The following IL1RAP variants were observed in gnomAD, a reference collection of about 807,000 sequenced individuals.
IL1RAP encodes interleukin 1 receptor accessory protein, also known as interleukin-1 receptor accessory protein.
A neutral mutation model predicts 60.7 loss-of-function variants in IL1RAP; 35 were observed. The observed-to-expected ratio is 0.58, with a 90% CI of 0.44 to 0.76. The LOEUF (loss-of-function observed/expected upper bound fraction) is 0.76, where lower values mean the gene tolerates loss of function less well. IL1RAP is among the 30% of genes least tolerant of loss of function. IL1RAP has a pLI of 0.00. For missense variants in IL1RAP, 572 were observed against 693.9 expected (o/e 0.82, Z 1.97); for synonymous variants, 268 against 250.9 (o/e 1.07, Z -0.64).
intron 3 of IL1RAP, among the ~76,000 whole-genome samples, chr3:190,576,636 C>G (rs1446057441): frequency 6.6e-6 from 1 of 152,150 alleles, no homozygotes; most frequent in Non-Finnish European, 1.5e-5. Context: ...GTATGCTGGT[C>G]TCTCACACAC....
intron 3 of IL1RAP, among the ~76,000 whole-genome samples, chr3:190,584,606 A>G (rs1043617248): frequency 2.6e-5 from 4 of 152,240 alleles, no homozygotes; most frequent in African/African-American, 9.6e-5. Flanking sequence ...TTACATTTAT[A>G]TAATGACTAA....
chr3:190,561,415 G>A (rs1725879670), intron 2 of IL1RAP, among the ~76,000 whole-genome samples: 1 of 152,156 alleles, frequency 6.6e-6, no homozygotes, highest in South Asian at 2.1e-4. Context: ...GACTGGCCCT[G>A]GATGTGTGTT....
intron 3 of IL1RAP, among the ~76,000 whole-genome samples, chr3:190,597,756 C>A (rs1459427576): frequency 3.9e-5 from 6 of 152,158 alleles, no homozygotes; most frequent in Non-Finnish European, 1.5e-5. Context: ...ATAATTCCTC[C>A]TAAATTGGTC....
intron 3 of IL1RAP, among the ~76,000 whole-genome samples, chr3:190,580,131 A>C (rs1306793220): frequency 6.6e-6 from 1 of 152,204 alleles, no homozygotes; most frequent in African/African-American, 2.4e-5. Flanking sequence ...TCTATGCTTA[A>C]CATTTTGAAG....
At chr3:190,585,929 C>G (rs533761586) in intron 3 of IL1RAP, among the ~76,000 whole-genome samples, 4 of 152,074 alleles carry the variant, frequency 2.6e-5, no homozygotes, top group Non-Finnish European at 5.9e-5. Context: ...TCTCATTGAC[C>G]CTTTACCATT....
At chr3:190,524,923 T>G (rs1013095181) in intron 1 of IL1RAP, among the ~76,000 whole-genome samples, 1 of 152,106 alleles carries the variant, frequency 6.6e-6, no homozygotes. Flanking sequence ...TATATAAGTG[T>G]ATGTGTGTAT....
At chr3:190,615,009 A>G (rs769533885) in intron 5 of IL1RAP, among the ~76,000 whole-genome samples, 1 of 152,096 alleles carries the variant, frequency 6.6e-6, no homozygotes, top group African/African-American at 2.4e-5. Context: ...GAATTGCTGA[A>G]GAAATGGGAT....
intron 7 of IL1RAP, among the ~76,000 whole-genome samples, chr3:190,625,578 A>G (rs1328119397): frequency 1.3e-5 from 2 of 152,240 alleles, no homozygotes; most frequent in African/African-American, 4.8e-5. Flanking sequence ...GAATAAATTT[A>G]TAGCAACAAA....
intron 1 of IL1RAP, among the ~76,000 whole-genome samples, chr3:190,519,975 C>A (rs897250546): frequency 6.6e-6 from 1 of 152,092 alleles, no homozygotes; most frequent in Non-Finnish European, 1.5e-5. Context: ...ATAGTTGGCA[C>A]CTAGAAGGGA....
intron 3 of IL1RAP, among the ~76,000 whole-genome samples, chr3:190,581,230 G>A (rs1727970367): frequency 6.6e-6 from 1 of 152,140 alleles, no homozygotes; most frequent in African/African-American, 2.4e-5. Context: ...GTCAAATCCT[G>A]GTTTCCGTAT....
intron 4 of IL1RAP, among the ~76,000 whole-genome samples, chr3:190,604,978 C>G (rs1412834052): frequency 6.6e-6 from 1 of 152,158 alleles, no homozygotes; most frequent in African/African-American, 2.4e-5. Context: ...ACATCTAGCC[C>G]CCAAATCAGA....
intron 3 of IL1RAP, among the ~76,000 whole-genome samples, chr3:190,586,015 C>T (rs1577663352): frequency 6.6e-6 from 1 of 151,972 alleles, no homozygotes; most frequent in African/African-American, 2.4e-5. Context: ...TCATGGCTCA[C>T]ATCAGCCTGG....
chr3:190,609,021 C>T lies in IL1RAP; in HGVS notation c.377C>T (p.Ala126Val). The T allele has an allele frequency of 6.2e-7, 1 of 1,613,098 alleles. No homozygotes were observed. The highest frequency in any genetic ancestry group is 2.2e-5 in the East Asian group (1 of 44,790). ...AACACTACATATTGCAGCAAAGTTGCATTTCCCTTGGAAGTTGTTCAAAAA... is the reference window on the plus strand; with the variant it reads ...AACACTACATATTGCAGCAAAGTTGTATTTCCCTTGGAAGTTGTTCAAAAA... ...LRNTTYCSKV[A>V]FPLEVVQKDS... The change falls in exon 5 of 12, where the codon GCA (alanine) becomes GTA (valine). Residue 126 changes from alanine (A) to valine (V), a missense_variant. By Grantham distance (64) the Ala-to-Val change is moderately conservative. Transcript: ENST00000447382.
At position 190,613,396 on chromosome 3, in the gene IL1RAP, G is replaced by A. The variant is rs150146291; in HGVS notation, c.537+4215G>A. The stretch of plus-strand genomic sequence containing the variant: ...GTAGTGGTTACGTGATTATGAGTCT[G>A]GAGCTTAGGAGAAAAATCAGAGCTA... On this transcript the variant is annotated intron_variant, in intron 5 of 11. Coordinates refer to ENST00000447382, the MANE Select transcript of IL1RAP (RefSeq NM_002182.4). Among the ~76,000 whole-genome samples the A allele has an allele frequency of 6.5e-4, 99 of 152,228 alleles. No individual in the cohort carries two copies. In the Middle Eastern group the frequency reaches 0.01, roughly 16 times the overall value.
chr3:190,651,782 T>C (rs1734412049), downstream of IL1RAP, among the ~76,000 whole-genome samples: 1 of 124,566 alleles, frequency 8.0e-6, no homozygotes, highest in South Asian at 2.6e-4. Flanking sequence ...TATGTGTGTA[T>C]GTGTATGTGT....
intron 1 of IL1RAP, 165 bp from the exon 2 acceptor site, chr3:190,555,965 T>TATCTATCTATCTATCC (rs1725390698): frequency 2.0e-5 from 3 of 151,224 alleles, no homozygotes; most frequent in Non-Finnish European, 4.4e-5. Flanking sequence ...TCTATCTATC[T>TATCTATCTATCTATCC]ATCTATCTAT....
chr3:190,553,066 T>C, intron 1 of IL1RAP, among the ~76,000 whole-genome samples: 1 of 152,150 alleles, frequency 6.6e-6, no homozygotes. Flanking sequence ...AAAAAAGTCA[T>C]ACAGATATCA....
chr3:190,601,710 G>A (rs1247491877), intron 3 of IL1RAP, among the ~76,000 whole-genome samples: 1 of 152,098 alleles, frequency 6.6e-6, no homozygotes. Context: ...TTGTATTTTT[G>A]CTTCTGAGTC....
At chr3:190,582,465 G>A (rs565596068) in intron 3 of IL1RAP, among the ~76,000 whole-genome samples, 67 of 151,812 alleles carry the variant, frequency 4.4e-4, no homozygotes, top group African/African-American at 6.3e-4. Context: ...GATTACACGC[G>A]TGCGCCACCA....
Sources: gnomAD v4.1 joint callset for allele counts (sites outside exome capture counted in the v4.1 genomes callset) on GRCh38, gnomAD v4.1.1 for gene constraint, MANE v1.5 for transcripts, NCBI Gene and HGNC (gene_info 2026-07-23, HGNC 2026-07-21) for gene names.